Variants in EPHA6 observed in about 807,000 individuals in gnomAD.
EPHA6 encodes EPH receptor A6.
EPHA6 carries 50 observed loss-of-function variants against 112.0 expected under a neutral mutation model. The observed-to-expected ratio is 0.45, with a 90% confidence interval of 0.36 to 0.56. EPHA6 has a LOEUF of 0.56. Ranked by LOEUF, EPHA6 falls within the 20% of genes least tolerant of loss-of-function variation. The pLI, the probability that EPHA6 is intolerant of heterozygous loss-of-function variation, is 0.00. For synonymous variants in EPHA6, 529 were observed against 490.7 expected, an observed-to-expected ratio of 1.08 and a Z score of -1.03; for missense variants, 1,280 against 1,417.4, an observed-to-expected ratio of 0.90 and a Z score of 1.56.
At chr3:96,919,783 A>AT (rs946659604) in intron 2 of EPHA6, among the ~76,000 whole-genome samples, 3 of 151,520 alleles carry the variant, frequency 2.0e-5, no homozygotes, top group Admixed American at 2.0e-4. Flanking sequence ...GTACAGCTGT[A>AT]TTTTTTTCTT....
intron 3 of EPHA6, among the ~76,000 whole-genome samples, chr3:97,223,311 A>G (rs980454697): frequency 1.3e-5 from 2 of 152,230 alleles, no homozygotes; most frequent in Non-Finnish European, 2.9e-5. Flanking sequence ...AGTGGGGAGC[A>G]TAATATGAAA....
At chr3:97,174,706 T>C (rs2076788564) in intron 3 of EPHA6, among the ~76,000 whole-genome samples, 1 of 151,898 alleles carries the variant, frequency 6.6e-6, no homozygotes, top group African/African-American at 2.4e-5. Flanking sequence ...CTAAGAAATG[T>C]CTATTCAAAT....
At chr3:97,388,739 GGGGGA>G (rs1439657451) in intron 5 of EPHA6, among the ~76,000 whole-genome samples, 5 of 152,040 alleles carry the variant, frequency 3.3e-5, no homozygotes, top group Non-Finnish European at 7.4e-5. Context: ...AAGGAAGTTT[GGGGGA>G]AAAAGATCCT....
intron 3 of EPHA6, among the ~76,000 whole-genome samples, chr3:97,159,735 AC>A (rs111882235): frequency 0.013 from 1,976 of 152,250 alleles, 29 homozygotes; most frequent in African/African-American, 0.044. Flanking sequence ...CTGAGCATAG[AC>A]CCATTGCCAT....
At chr3:97,525,839 G>T (rs977925147) in intron 10 of EPHA6, among the ~76,000 whole-genome samples, 1 of 152,086 alleles carries the variant, frequency 6.6e-6, no homozygotes, top group Non-Finnish European at 1.5e-5. Context: ...CAGATCTTTG[G>T]GTCTGGATCT....
intron 3 of EPHA6, among the ~76,000 whole-genome samples, chr3:97,202,826 G>C (rs973412706): frequency 5.9e-5 from 9 of 152,094 alleles, no homozygotes; most frequent in African/African-American, 2.2e-4. Flanking sequence ...TTCTGCTCTT[G>C]AGAATAGCAG....
At chr3:97,380,502 G>T (rs2085662162) in intron 5 of EPHA6, among the ~76,000 whole-genome samples, 1 of 152,120 alleles carries the variant, frequency 6.6e-6, no homozygotes, top group African/African-American at 2.4e-5. Context: ...AGGAACACAG[G>T]GTGGTGAGGG....
chr3:97,116,268 G>A (rs745771254), intron 3 of EPHA6, among the ~76,000 whole-genome samples: 1 of 151,624 alleles, frequency 6.6e-6, no homozygotes, highest in Non-Finnish European at 1.5e-5. Flanking sequence ...GGTATACAAT[G>A]TGATGTTTTG....
intron 5 of EPHA6, among the ~76,000 whole-genome samples, chr3:97,338,862 G>C (rs1422055505): frequency 1.3e-5 from 2 of 152,086 alleles, no homozygotes; most frequent in Non-Finnish European, 1.5e-5. Flanking sequence ...TGATCAAAAG[G>C]CTTCCCACAG....
At chr3:97,555,971 C>T (rs926715958) in intron 11 of EPHA6, among the ~76,000 whole-genome samples, 2 of 151,922 alleles carry the variant, frequency 1.3e-5, no homozygotes, top group Non-Finnish European at 2.9e-5. Flanking sequence ...CCACCCACGC[C>T]AAAGCTCATA....
chr3:97,018,884 C>T (rs958515634), intron 3 of EPHA6, among the ~76,000 whole-genome samples: 6 of 152,104 alleles, frequency 3.9e-5, no homozygotes, highest in Non-Finnish European at 7.4e-5. Flanking sequence ...GACCACGGTC[C>T]GCCTGGCAAC....
chr3:97,288,924 A>ATTTTTTTTTTTTTTT (rs374397667), intron 5 of EPHA6, among the ~76,000 whole-genome samples: 3 of 111,278 alleles, frequency 2.7e-5, no homozygotes, highest in African/African-American at 3.5e-5. Context: ...TTTAATGGGG[A>ATTTTTTTTTTTTTTT]TTTTTTTTTT....
intron 14 of EPHA6, among the ~76,000 whole-genome samples, chr3:97,677,252 A>G (rs1294962894): frequency 6.6e-6 from 1 of 152,208 alleles, no homozygotes; most frequent in Admixed American, 6.5e-5. Flanking sequence ...ATTAACATTT[A>G]CATTATATGT....
intron 3 of EPHA6, among the ~76,000 whole-genome samples, chr3:97,139,221 CT>C (rs1368168793): frequency 3.9e-5 from 6 of 152,272 alleles, no homozygotes; most frequent in Non-Finnish European, 5.9e-5. Context: ...CCCAGAAATT[CT>C]CTTGATTAAC....
rs558323018 is a variant in EPHA6, at chr3:97,711,340, A to G, written c.2785-8921A>G. On this transcript the variant is annotated intron_variant, in intron 14 of 17. Coordinates refer to ENST00000389672, the MANE Select transcript of EPHA6 (RefSeq NM_001080448.3). ...TTTTGTAAATTGCCCAGTCTCGGGT[A>G]TGTCTTTATCAGAAGCAAGAAAATG... Among the ~76,000 whole-genome samples the G allele has an allele frequency of 6.6e-5, 10 of 152,072 alleles. No homozygotes were observed. The East Asian group carries it at 1.9e-3, about 29-fold the overall frequency.
At chr3:97,248,326 A>G (rs2079038617) in intron 5 of EPHA6, among the ~76,000 whole-genome samples, 1 of 152,066 alleles carries the variant, frequency 6.6e-6, no homozygotes, top group Admixed American at 6.6e-5. Context: ...TGTTTCATTT[A>G]GAGAGCAAAA....
At position 96,848,575 on chromosome 3, in the gene EPHA6, A is replaced by G. The variant is rs77727176; in HGVS notation, c.386-18250A>G. The stretch of plus-strand genomic sequence containing the variant: ...AGGAGATGGAGGTTATAGTGGGCTG[A>G]GATCTCACCACTGCACCCCAGCTTG... On this transcript the variant is annotated intron_variant, in intron 1 of 17. Transcript: ENST00000389672. Among the ~76,000 whole-genome samples, 31 of 152,198 alleles carry G rather than the reference A, an allele frequency of 2.0e-4. 1 individual carries two copies. The East Asian group carries it at 6.0e-3, about 30-fold the overall frequency.
At chr3:97,338,757 G>A (rs1213048856) in intron 5 of EPHA6, among the ~76,000 whole-genome samples, 2 of 152,134 alleles carry the variant, frequency 1.3e-5, no homozygotes, top group African/African-American at 4.8e-5. Flanking sequence ...CTCAGCCCCC[G>A]AAGTCTACTA....
intron 10 of EPHA6, among the ~76,000 whole-genome samples, chr3:97,497,413 G>A (rs1266764277): frequency 6.6e-6 from 1 of 152,070 alleles, no homozygotes; most frequent in Non-Finnish European, 1.5e-5. Context: ...CAACTTCTAT[G>A]ACAATGCAAA....
Sources: gnomAD v4.1 joint callset for allele counts (sites outside exome capture counted in the v4.1 genomes callset) on GRCh38, gnomAD v4.1.1 for gene constraint, MANE v1.5 for transcripts, NCBI Gene and HGNC (gene_info 2026-07-23, HGNC 2026-07-21) for gene names.